The following NOX4 variants were observed in gnomAD, a reference collection of about 807,000 sequenced individuals.
The protein encoded by NOX4 is NADPH oxidase 4.
NOX4 carries 69 observed loss-of-function variants against 87.6 expected under a neutral mutation model. The ratio of observed to expected loss-of-function variants is 0.79; its 90% CI spans 0.65 to 0.96. NOX4 has a LOEUF of 0.96. Ranked by LOEUF, NOX4 falls within the 40% of genes least tolerant of loss-of-function variation. NOX4 has a pLI of 0.00. For missense variants in NOX4, 680 were observed against 681.5 expected, an observed-to-expected ratio of 1.00 and a Z score of 0.02; for synonymous variants, 275 against 238.2, an observed-to-expected ratio of 1.15 and a Z score of -1.42.
At chr11:89,507,457 C>T in the NOX4 span, among the ~76,000 whole-genome samples, 9 of 151,026 alleles carry the variant, frequency 6.0e-5, no homozygotes, top group Middle Eastern at 3.5e-3. Flanking sequence ...ATATACAATG[C>T]ATATGTCATA....
chr11:89,422,401 C>G lies in NOX4; in HGVS notation c.549-419G>C, dbSNP rs561807384. Reference sequence around the variant, plus strand: ...TTTTGAGAGTAGTTCAAGGGAAACTCAAAAAGAGATAAATGAAATAGATGA... The same window carrying G: ...TTTTGAGAGTAGTTCAAGGGAAACTGAAAAAGAGATAAATGAAATAGATGA... On this transcript the variant is annotated intron_variant, in intron 7 of 17. Coordinates refer to ENST00000263317, the MANE Select transcript of NOX4 (RefSeq NM_016931.5). Among the ~76,000 whole-genome samples the G allele has an allele frequency of 1.4e-4, 22 of 152,108 alleles. No individual in the cohort carries two copies. The South Asian group carries it at 4.3e-3, about 30-fold the overall frequency.
chr11:89,499,580 C>T (rs149655123), upstream of NOX4, among the ~76,000 whole-genome samples: 430 of 152,286 alleles, frequency 2.8e-3, 3 homozygotes, highest in African/African-American at 9.8e-3. Flanking sequence ...GCCAAACTTT[C>T]CTACTCTCCA....
chr11:89,422,997 A>G (rs958061659), intron 7 of NOX4, among the ~76,000 whole-genome samples: 6 of 151,712 alleles, frequency 4.0e-5, no homozygotes, highest in African/African-American at 1.5e-4. Context: ...ATGGGGTTTC[A>G]CCATGTTGGC....
At chr11:89,351,762 G>GA (rs1266652536) in intron 13 of NOX4, among the ~76,000 whole-genome samples, 7 of 150,160 alleles carry the variant, frequency 4.7e-5, no homozygotes, top group African/African-American at 7.3e-5. Flanking sequence ...GCCCACCAGA[G>GA]AAAAAAAAAG....
chr11:89,538,009 T>G, the NOX4 span, among the ~76,000 whole-genome samples: 2 of 152,230 alleles, frequency 1.3e-5, no homozygotes, highest in African/African-American at 4.8e-5. Flanking sequence ...AGTGCTTTTT[T>G]GCCCTATTTC....
chr11:89,391,182 T>C (rs903056124), intron 11 of NOX4, among the ~76,000 whole-genome samples: 2 of 152,150 alleles, frequency 1.3e-5, no homozygotes, highest in Non-Finnish European at 2.9e-5. Flanking sequence ...GGAGAACAGA[T>C]ATTAATTAAA....
chr11:89,493,146 G>A (rs1393219283), upstream of NOX4, among the ~76,000 whole-genome samples: 1 of 152,202 alleles, frequency 6.6e-6, no homozygotes, highest in Non-Finnish European at 1.5e-5. Context: ...CAACACTTTG[G>A]GAGGCCGAGG....
At chr11:89,438,864 AT>A (rs376773473) in intron 6 of NOX4, among the ~76,000 whole-genome samples, 560 of 44,394 alleles carry the variant, frequency 0.013, 10 homozygotes, top group Non-Finnish European at 0.016. Context: ...TATATTATAT[AT>A]TATATATATA....
rs1372976233 is a variant in NOX4 at position 89,325,267 on chromosome 11, G to C, written c.*1489C>G. ...GTCTCCCGAGTAGTTGGGATTATAG[G>C]CACCCGCCACCACACCCGCCTAATA... On this transcript the variant is annotated 3_prime_UTR_variant, in exon 18 of 18. Transcript: ENST00000263317. The C allele has an allele frequency of 6.6e-6, 1 of 151,652 alleles. No individual in the cohort carries two copies. The highest frequency in any genetic ancestry group is 1.5e-5 in the Non-Finnish European group (1 of 67,944). 9.4% of individuals were successfully genotyped at this position (151,652 alleles called of 1,614,324 possible).
chr11:89,472,943 A>G (rs1946009987), intron 2 of NOX4, among the ~76,000 whole-genome samples: 1 of 152,232 alleles, frequency 6.6e-6, no homozygotes, highest in African/African-American at 2.4e-5. Context: ...GAATTGAAGA[A>G]TTTGAACAAC....
At chr11:89,337,694 A>C (rs1031725457) in intron 15 of NOX4, among the ~76,000 whole-genome samples, 179 bp from the exon 16 acceptor site, 6 of 152,114 alleles carry the variant, frequency 3.9e-5, no homozygotes, top group African/African-American at 1.4e-4. Context: ...ACAGATTCTA[A>C]CGTTAATAAT....
intron 11 of NOX4, among the ~76,000 whole-genome samples, chr11:89,398,793 C>T (rs114730124): frequency 0.014 from 2,169 of 151,694 alleles, 49 homozygotes; most frequent in African/African-American, 0.05. Context: ...TCCAAATATC[C>T]AACTTCAATG....
At position 89,340,855 on chromosome 11, in the gene NOX4, A is replaced by G. The variant is rs1343403621; in HGVS notation, c.1338-684T>C. On this transcript the variant is annotated intron_variant, in intron 14 of 17. Coordinates refer to ENST00000263317, the MANE Select transcript of NOX4 (RefSeq NM_016931.5). ...AAACAAACTATTTCTGGCTTAGAGC[A>G]TGATCATTTTTGTAAGAACCGCCAG... is the stretch of plus-strand genomic sequence containing the variant. 3.9e-5 allele frequency among the ~76,000 whole-genome samples: 6 copies of G among 152,122 alleles called. No individual in the cohort carries two copies. In the East Asian group the frequency reaches 1.2e-3, roughly 29 times the overall value.
At chr11:89,342,307 C>A in intron 13 of NOX4, 114 bp from the exon 14 acceptor site, 1 of 877,536 alleles carries the variant, frequency 1.1e-6, no homozygotes. Context: ...TGGGTCAGGC[C>A]TTATTTCATG....
rs1945210665 is a variant in NOX4, at chr11:89,326,030, A to T, written c.*726T>A. 1 of 150,966 alleles carries T rather than the reference A, an allele frequency of 6.6e-6. No homozygotes were observed. Among genetic ancestry groups the T allele is most frequent in the Non-Finnish European group, 1.5e-5 (1 of 67,782 alleles). The allele number at this position is 150,966 out of a possible 1,614,324, so 9.4% of individuals were successfully genotyped here. A position where few individuals can be genotyped will look rare whatever the true frequency, so the allele number is the denominator to read the frequency against. ...ATGCAATAGTGATAGATTTAAATGA[A>T]GATGAAAGGGACCTATTAAATCATT... On this transcript the variant is annotated 3_prime_UTR_variant, in exon 18 of 18. Transcript: ENST00000263317.
In NOX4 at chr11:89,440,024, G is replaced by GT. The variant is rs144499759; in HGVS notation, c.475+663dup. Among the ~76,000 whole-genome samples, 1,457 of 152,270 alleles carry GT rather than the reference G, an allele frequency of 9.6e-3. 20 individuals are homozygous for GT. The highest frequency in any genetic ancestry group is 0.034 in the African/African-American group (1,406 of 41,544). ...TCCAATACATTGAGGGCAGGAGCCT[G>GT]TTAAACATGCATTATCTCCTACAGC... On this transcript the variant is annotated intron_variant, in intron 6 of 17. Transcript: ENST00000263317.
chr11:89,461,886 T>G (rs1325984654), intron 2 of NOX4, among the ~76,000 whole-genome samples: 1 of 151,934 alleles, frequency 6.6e-6, no homozygotes, highest in Non-Finnish European at 1.5e-5. Context: ...ATAATACCAC[T>G]ATGTGAGGAA....
At chr11:89,354,047 T>A (rs1197368665) in intron 13 of NOX4, among the ~76,000 whole-genome samples, 3 of 152,220 alleles carry the variant, frequency 2.0e-5, no homozygotes, top group Non-Finnish European at 4.4e-5. Flanking sequence ...TTATCAAAGC[T>A]AAGTATTAGA....
At chr11:89,568,227 A>G in the NOX4 span, among the ~76,000 whole-genome samples, 1 of 152,334 alleles carries the variant, frequency 6.6e-6, no homozygotes, top group Non-Finnish European at 1.5e-5. Context: ...AGCAGAAGAA[A>G]AGAAATACTA....
Sources: gnomAD v4.1 joint callset for allele counts (sites outside exome capture counted in the v4.1 genomes callset) on GRCh38, gnomAD v4.1.1 for gene constraint, MANE v1.5 for transcripts, NCBI Gene and HGNC (gene_info 2026-07-23, HGNC 2026-07-21) for gene names.